The following AP3B1 variants were observed in gnomAD, a reference collection of about 807,000 sequenced individuals.
The protein encoded by AP3B1 is AP-3 complex subunit beta-1.
A neutral mutation model predicts 132.5 loss-of-function variants in AP3B1; 61 were observed. The ratio of observed to expected loss-of-function variants is 0.46; its 90% CI spans 0.37 to 0.57. The LOEUF is 0.57. Among genes scored for constraint, AP3B1 ranks in the 20% least tolerant of loss-of-function variants. The pLI is 0.00. For missense variants in AP3B1, 1,120 were observed against 1,289.4 expected (o/e 0.87, Z 2.01); for synonymous variants, 388 against 438.3 (o/e 0.89, Z 1.43).
chr5:78,103,074 C>G (rs1191454853), intron 20 of AP3B1, among the ~76,000 whole-genome samples: 1 of 152,050 alleles, frequency 6.6e-6, no homozygotes, highest in African/African-American at 2.4e-5. Flanking sequence ...ATTGGAAAAC[C>G]CTTGCATTCT....
chr5:78,147,061 A>G (rs1580407263), intron 14 of AP3B1, among the ~76,000 whole-genome samples: 1 of 152,078 alleles, frequency 6.6e-6, no homozygotes, highest in Middle Eastern at 4.1e-3. Context: ...TTTCTTACTT[A>G]TATCTGTCTA....
intron 15 of AP3B1, among the ~76,000 whole-genome samples, chr5:78,132,435 T>A (rs1368832990): frequency 6.6e-6 from 1 of 152,224 alleles, no homozygotes; most frequent in Non-Finnish European, 1.5e-5. Flanking sequence ...GAAAAAAGTC[T>A]ATTTTTGGAA....
At chr5:78,209,058 AAT>A (rs1462882136) in intron 7 of AP3B1, among the ~76,000 whole-genome samples, 1 of 152,120 alleles carries the variant, frequency 6.6e-6, no homozygotes, top group Non-Finnish European at 1.5e-5. Flanking sequence ...AAGAAATAGC[AAT>A]ATATGTCTAT....
rs75768884 is a variant in AP3B1, at chr5:78,117,700, T to C, written c.1969-1466A>G. ...GACTTCAATATTAAATTCAGAAACA[T>C]GCTTAAGAAAAATACTGACTTTAGT... On this transcript the variant is annotated intron_variant, in intron 17 of 26. Transcript: ENST00000255194. Among the ~76,000 whole-genome samples, 533 of 152,310 alleles carry C rather than the reference T, an allele frequency of 3.5e-3. 2 individuals carry two copies. Among genetic ancestry groups the C allele is most frequent in the African/African-American group, 0.012 (500 of 41,580 alleles).
chr5:78,224,604 A>G (rs75547529), intron 6 of AP3B1, among the ~76,000 whole-genome samples: 2,651 of 152,122 alleles, frequency 0.017, 69 homozygotes, highest in African/African-American at 0.061. Flanking sequence ...TATGCTGTCT[A>G]TGGAGACATA....
chr5:78,240,279 C>T (rs1343486532), intron 3 of AP3B1, among the ~76,000 whole-genome samples: 2 of 152,114 alleles, frequency 1.3e-5, no homozygotes, highest in African/African-American at 4.8e-5. Context: ...ATTAACCAGG[C>T]TTTTTCAATT....
At chr5:78,225,283 T>C (rs889835462) in intron 6 of AP3B1, among the ~76,000 whole-genome samples, 2 of 152,082 alleles carry the variant, frequency 1.3e-5, no homozygotes, top group African/African-American at 4.8e-5. Flanking sequence ...TGTTAACCAC[T>C]TAGCCACAGG....
chr5:78,112,376 T>C (rs551751183), intron 19 of AP3B1, among the ~76,000 whole-genome samples: 7 of 152,192 alleles, frequency 4.6e-5, no homozygotes, highest in Non-Finnish European at 8.8e-5. Context: ...CTTAAAAATA[T>C]AAGGTTTAGA....
chr5:78,227,543 T>G lies in AP3B1; in HGVS notation c.376-11A>C, dbSNP rs746590290. 2 of 1,613,200 alleles carry G rather than the reference T, an allele frequency of 1.2e-6. No individual in the cohort carries two copies. Among genetic ancestry groups the G allele is most frequent in the Non-Finnish European group, 1.7e-6 (2 of 1,179,552 alleles). ...TAGTTGGTTTGGGTCCTAAAAATAG[T>G]GCAAAAATATTCACCAAAATTTCAA... On this transcript the variant is annotated splice_polypyrimidine_tract_variant and intron_variant, in intron 4 of 26. Coordinates refer to ENST00000255194, the MANE Select transcript of AP3B1 (RefSeq NM_003664.5).
chr5:78,234,144 C>G (rs914055844), intron 3 of AP3B1, among the ~76,000 whole-genome samples: 1 of 151,904 alleles, frequency 6.6e-6, no homozygotes, highest in African/African-American at 2.4e-5. Flanking sequence ...TCCATAGAAC[C>G]CCATCTCTAT....
At chr5:78,014,031 C>T (rs1419370351) in intron 26 of AP3B1, among the ~76,000 whole-genome samples, 1 of 152,078 alleles carries the variant, frequency 6.6e-6, no homozygotes, top group Non-Finnish European at 1.5e-5. Context: ...GGCGTGGTGC[C>T]GGGTGCCTGT....
rs144910232 is a variant in AP3B1, at chr5:78,104,432, T to C, written c.2398-3407A>G. Among the ~76,000 whole-genome samples, 750 of 152,232 alleles carry C rather than the reference T, an allele frequency of 4.9e-3. 6 individuals are homozygous for C. Among genetic ancestry groups the C allele is most frequent in the African/African-American group, 0.017 (711 of 41,562 alleles). On this transcript the variant is annotated intron_variant, in intron 20 of 26. Coordinates refer to ENST00000255194, the MANE Select transcript of AP3B1 (RefSeq NM_003664.5). Reference sequence around the variant, plus strand: ...TTCCTTTCAAAGGTCTCAACTGCAATTGAATAATATTTTTATTTTAGAGAA... The same window carrying C: ...TTCCTTTCAAAGGTCTCAACTGCAACTGAATAATATTTTTATTTTAGAGAA...
intron 1 of AP3B1, among the ~76,000 whole-genome samples, chr5:78,286,788 G>C (rs1749300184): frequency 6.6e-6 from 1 of 152,108 alleles, no homozygotes; most frequent in South Asian, 2.1e-4. Flanking sequence ...TCAATAAACA[G>C]ATATTGGCTA....
chr5:78,087,040 G>A (rs537067671), intron 22 of AP3B1, among the ~76,000 whole-genome samples: 12 of 152,246 alleles, frequency 7.9e-5, no homozygotes, highest in East Asian at 5.8e-4. Context: ...TTCTATATAC[G>A]AGTGCCAGCA....
intron 7 of AP3B1, among the ~76,000 whole-genome samples, chr5:78,193,714 A>T (rs1744936002): frequency 7.1e-6 from 1 of 140,038 alleles, no homozygotes; most frequent in African/African-American, 2.6e-5. Flanking sequence ...TTATATATTT[A>T]CATATTTTTA....
At chr5:78,258,368 G>A (rs796726139) in intron 2 of AP3B1, among the ~76,000 whole-genome samples, 2 of 152,010 alleles carry the variant, frequency 1.3e-5, no homozygotes, top group African/African-American at 2.4e-5. Flanking sequence ...ATAAAAAGGG[G>A]GCAAAAGATT....
In AP3B1 at chr5:78,254,112, A is replaced by G. The variant is rs191803505; in HGVS notation, c.205-13176T>C. On this transcript the variant is annotated intron_variant, in intron 2 of 26. Transcript: ENST00000255194. ...ATCAGCAGAATTGATCAAGCAGAAG[A>G]AAGAATTCATGAGCTTGAAGACAGG... Among the ~76,000 whole-genome samples the G allele has an allele frequency of 8.6e-4, 131 of 152,056 alleles. 1 individual carries two copies. Among genetic ancestry groups the G allele is most frequent in the African/African-American group, 3.0e-3 (126 of 41,468 alleles).
chr5:78,274,897 C>G (rs1214448006), intron 1 of AP3B1, among the ~76,000 whole-genome samples: 1 of 150,048 alleles, frequency 6.7e-6, no homozygotes. Flanking sequence ...CTGCACTCAG[C>G]CTGGGTGAGA....
intron 1 of AP3B1, among the ~76,000 whole-genome samples, chr5:78,278,594 G>A (rs1401074001): frequency 2.8e-5 from 1 of 36,040 alleles, no homozygotes; most frequent in South Asian, 1.1e-3. Flanking sequence ...GCGAGACTCC[G>A]TCTCAAAAAA....
Sources: gnomAD v4.1 joint callset for allele counts (sites outside exome capture counted in the v4.1 genomes callset) on GRCh38, gnomAD v4.1.1 for gene constraint, MANE v1.5 for transcripts, NCBI Gene and HGNC (gene_info 2026-07-23, HGNC 2026-07-21) for gene names.